Variants in CPPED1 observed in about 807,000 individuals in gnomAD.
The protein encoded by CPPED1 is calcineurin like phosphoesterase domain containing 1, also known as serine/threonine-protein phosphatase CPPED1.
Under a neutral mutation model 28.0 loss-of-function variants are expected in CPPED1, and 28 were observed. The observed-to-expected ratio is 1.00, with a 90% CI of 0.74 to 1.37. The LOEUF (loss-of-function observed/expected upper bound fraction) is 1.37. Among genes scored for constraint, CPPED1 ranks in the 40% most tolerant of loss-of-function variants. CPPED1 has a pLI of 0.00. For missense variants in CPPED1, 504 were observed against 416.5 expected, an observed-to-expected ratio of 1.21 and a Z score of -1.83; for synonymous variants, 198 against 180.2, an observed-to-expected ratio of 1.10 and a Z score of -0.79.
intron 1 of CPPED1, 146 bp downstream of exon 1, chr16:12,803,561 C>G (rs984174682): frequency 3.1e-5 from 20 of 653,760 alleles, no homozygotes; most frequent in Non-Finnish European, 1.4e-5. Context: ...TAAGAGCAGG[C>G]TTTGATGCAG....
At chr16:12,721,939 T>C (rs986405243) in intron 2 of CPPED1, among the ~76,000 whole-genome samples, 6 of 152,194 alleles carry the variant, frequency 3.9e-5, no homozygotes, top group African/African-American at 1.4e-4. Flanking sequence ...GTGAATAGAC[T>C]TCAACTGTGT....
intron 2 of CPPED1, among the ~76,000 whole-genome samples, chr16:12,725,215 T>C (rs1348068980): frequency 3.3e-5 from 5 of 152,170 alleles, no homozygotes; most frequent in Non-Finnish European, 7.3e-5. Context: ...TGCCTCAGCC[T>C]CCCAAGTAGC....
chr16:12,721,175 T>C (rs1357662741), intron 2 of CPPED1, among the ~76,000 whole-genome samples: 2 of 152,096 alleles, frequency 1.3e-5, no homozygotes, highest in African/African-American at 4.8e-5. Flanking sequence ...GAAGGGAAAA[T>C]GACCACTATG....
Position 12,765,033 on chromosome 16 carries a change from C to CTAG in CPPED1, c.289+16149_289+16151dup, listed in dbSNP as rs1414929747. Among the ~76,000 whole-genome samples, 7 of 152,324 alleles carry CTAG rather than the reference C, an allele frequency of 4.6e-5. No homozygotes were observed. In the South Asian group the frequency reaches 1.0e-3, roughly 23 times the overall value. ...GTCTGTCATATGAACTATGTCCCCG[C>CTAG]TAGCACTGGGAACACTGTGACCTAA... On this transcript the variant is annotated intron_variant, in intron 2 of 3. Coordinates refer to ENST00000381774, the MANE Select transcript of CPPED1 (RefSeq NM_018340.3).
intron 3 of CPPED1, among the ~76,000 whole-genome samples, chr16:12,696,090 C>T (rs764834004): frequency 8.5e-5 from 13 of 152,186 alleles, no homozygotes; most frequent in South Asian, 8.3e-4. Flanking sequence ...TGGCTGTAAT[C>T]GTCTATCTTC....
At position 12,781,250 on chromosome 16, in the gene CPPED1, A is replaced by C. The variant is rs1397685290; in HGVS notation, c.224T>G (p.Ile75Ser). The change falls in exon 2 of 4, where the codon ATC becomes AGC. Residue 75 changes from isoleucine to serine, a missense_variant. Physicochemically the swap from Ile to Ser is moderately radical, Grantham distance 142. Coordinates refer to ENST00000381774, the MANE Select transcript of CPPED1 (RefSeq NM_018340.3). ...TTTGGGTTTGGGGTTCAGCTTGTTG[A>C]TGGCCTGGACGGCTTGCTCAGTTAG... ...IRLTEQAVQAINKLNPKPKFF... is the reference protein window; with the variant it reads ...IRLTEQAVQASNKLNPKPKFF... 1 of 1,614,008 alleles carries C rather than the reference A, an allele frequency of 6.2e-7. No homozygotes were observed. The highest frequency in any genetic ancestry group is 1.3e-5 in the African/African-American group (1 of 74,908).
chr16:12,767,788 T>A (rs1442135549), intron 2 of CPPED1, among the ~76,000 whole-genome samples: 5 of 152,088 alleles, frequency 3.3e-5, no homozygotes, highest in Non-Finnish European at 7.4e-5. Flanking sequence ...TGAAACTCCA[T>A]CTCTACTAAA....
chr16:12,781,737 C>T (rs140509099), intron 1 of CPPED1, among the ~76,000 whole-genome samples: 112 of 152,198 alleles, frequency 7.4e-4, no homozygotes, highest in African/African-American at 2.5e-3. Flanking sequence ...GCTCCATAAT[C>T]GTCTTTAAAT....
chr16:12,778,940 G>A (rs1341479477), intron 2 of CPPED1, among the ~76,000 whole-genome samples: 1 of 152,198 alleles, frequency 6.6e-6, no homozygotes, highest in Admixed American at 6.5e-5. Flanking sequence ...TCACATTTAT[G>A]AAGTCTTGAC....
At chr16:12,729,034 A>G (rs2080184237) in intron 2 of CPPED1, among the ~76,000 whole-genome samples, 2 of 152,110 alleles carry the variant, frequency 1.3e-5, no homozygotes, top group African/African-American at 4.8e-5. Context: ...CACTGGAAAC[A>G]TGGGTGTCTG....
chr16:12,755,268 T>C (rs2080357853), intron 2 of CPPED1, among the ~76,000 whole-genome samples: 1 of 147,656 alleles, frequency 6.8e-6, no homozygotes, highest in Non-Finnish European at 1.5e-5. Context: ...CTCACAAGCA[T>C]ACAGTATGCA....
At chr16:12,764,340 A>G (rs868519039) in intron 2 of CPPED1, among the ~76,000 whole-genome samples, 14 of 152,224 alleles carry the variant, frequency 9.2e-5, no homozygotes, top group Non-Finnish European at 1.5e-4. Context: ...AGTAGCTGCG[A>G]TAACATGCAC....
At chr16:12,789,120 A>G (rs991397163) in intron 1 of CPPED1, among the ~76,000 whole-genome samples, 25 of 152,132 alleles carry the variant, frequency 1.6e-4, no homozygotes, top group African/African-American at 5.8e-4. Flanking sequence ...TCTCTTGGAA[A>G]ATCTGGCCAC....
intron 2 of CPPED1, among the ~76,000 whole-genome samples, chr16:12,772,515 T>C (rs2080475736): frequency 6.6e-6 from 1 of 152,218 alleles, no homozygotes. Flanking sequence ...ATCACTTTTG[T>C]GCATGCTCCC....
At chr16:12,768,855 T>G (rs1028046031) in intron 2 of CPPED1, among the ~76,000 whole-genome samples, 12 of 148,528 alleles carry the variant, frequency 8.1e-5, no homozygotes, top group Non-Finnish European at 1.7e-4. Flanking sequence ...CTCACTGCCA[T>G]TTTTTCTTTT....
chr16:12,673,831 G>A (rs2079864827), intron 3 of CPPED1, among the ~76,000 whole-genome samples: 1 of 152,154 alleles, frequency 6.6e-6, no homozygotes, highest in South Asian at 2.1e-4. Context: ...AGGATCGCTT[G>A]GGGCCAGGAG....
At chr16:12,729,109 G>A (rs1360428208) in intron 2 of CPPED1, among the ~76,000 whole-genome samples, 3 of 152,136 alleles carry the variant, frequency 2.0e-5, no homozygotes, top group Admixed American at 2.0e-4. Flanking sequence ...GCCCCAGAGG[G>A]AGCCCTGGGG....
intron 3 of CPPED1, among the ~76,000 whole-genome samples, chr16:12,698,101 C>T (rs1746719484): frequency 6.6e-6 from 1 of 152,114 alleles, no homozygotes; most frequent in African/African-American, 2.4e-5. Context: ...CAGAGTGAGA[C>T]TCTGACCCCA....
intron 3 of CPPED1, among the ~76,000 whole-genome samples, chr16:12,701,570 T>A (rs1337733971): frequency 6.6e-6 from 1 of 151,836 alleles, no homozygotes; most frequent in Non-Finnish European, 1.5e-5. Context: ...CCTAGGCAGG[T>A]GAACCAGAAG....
Sources: allele counts gnomAD v4.1 joint callset (sites outside exome capture counted in the v4.1 genomes callset), GRCh38; gene constraint gnomAD v4.1.1; transcripts MANE v1.5; gene names NCBI Gene and HGNC (gene_info 2026-07-23, HGNC 2026-07-21).